Variants in SLC44A5 observed in about 807,000 individuals in gnomAD.
SLC44A5 encodes the protein choline transporter-like protein 5.
Under a neutral mutation model 101.8 loss-of-function variants are expected in SLC44A5, and 57 were observed. The observed-to-expected ratio is 0.56, with a 90% CI of 0.45 to 0.70. The LOEUF is 0.70. Ranked by LOEUF, SLC44A5 falls within the 30% of genes least tolerant of loss-of-function variation. SLC44A5 has a pLI of 0.00. For missense variants in SLC44A5, 737 were observed against 853.1 expected (o/e 0.86, Z 1.70); for synonymous variants, 281 against 290.9 (o/e 0.97, Z 0.35).
At chr1:75,450,757 T>G (rs775246512) in intron 2 of SLC44A5, among the ~76,000 whole-genome samples, 7 of 152,164 alleles carry the variant, frequency 4.6e-5, no homozygotes, top group Non-Finnish European at 1.0e-4. Context: ...TCCAGGGACT[T>G]GGAGCACCTG....
chr1:75,702,764 A>T, the SLC44A5 span, among the ~76,000 whole-genome samples: 5 of 152,182 alleles, frequency 3.3e-5, no homozygotes, highest in Admixed American at 2.0e-4. Context: ...TACTCATCTG[A>T]CAAAGGGCTA....
chr1:75,233,111 G>A (rs1393819803), intron 12 of SLC44A5, among the ~76,000 whole-genome samples: 1 of 152,032 alleles, frequency 6.6e-6, no homozygotes. Flanking sequence ...ACTGTTCCAC[G>A]TGAGACACTT....
At chr1:75,307,874 T>A (rs1000109476) in intron 4 of SLC44A5, among the ~76,000 whole-genome samples, 4 of 152,212 alleles carry the variant, frequency 2.6e-5, no homozygotes, top group African/African-American at 9.6e-5. Context: ...AAAGATTATC[T>A]TGAAGAATTT....
At chr1:75,632,189 G>C in the SLC44A5 span, among the ~76,000 whole-genome samples, 1 of 152,032 alleles carries the variant, frequency 6.6e-6, no homozygotes, top group Non-Finnish European at 1.5e-5. Flanking sequence ...TTGTTCATAT[G>C]ATGCTTATGT....
At chr1:75,274,838 G>T in intron 6 of SLC44A5, 120 bp downstream of exon 6, 1 of 772,620 alleles carries the variant, frequency 1.3e-6, no homozygotes, top group Non-Finnish European at 2.1e-6. Flanking sequence ...AAAAAGGGAG[G>T]GAAGGCTTCC....
At chr1:75,440,750 A>T (rs540674511) in intron 2 of SLC44A5, among the ~76,000 whole-genome samples, 1 of 152,014 alleles carries the variant, frequency 6.6e-6, no homozygotes, top group Non-Finnish European at 1.5e-5. Flanking sequence ...TTTAAGGAAA[A>T]CTCTTTCAAG....
intron 3 of SLC44A5, among the ~76,000 whole-genome samples, chr1:75,353,423 T>A (rs1557693892): frequency 6.6e-6 from 1 of 152,180 alleles, no homozygotes; most frequent in Non-Finnish European, 1.5e-5. Flanking sequence ...TACTCGAATT[T>A]AAGAGAGTCA....
At chr1:75,598,352 G>A (rs1674775402) in intron 1 of SLC44A5, among the ~76,000 whole-genome samples, 1 of 152,160 alleles carries the variant, frequency 6.6e-6, no homozygotes, top group Non-Finnish European at 1.5e-5. Context: ...CAACCATTGT[G>A]GAAGACATTG....
the SLC44A5 span, among the ~76,000 whole-genome samples, chr1:75,682,959 A>C: frequency 3.3e-5 from 5 of 152,316 alleles, no homozygotes; most frequent in South Asian, 1.0e-3. Flanking sequence ...ATGAATAGAC[A>C]CTTCTCAAAA....
chr1:75,234,216 G>A (rs1647865043), intron 11 of SLC44A5, 118 bp from the exon 12 acceptor site: 2 of 693,750 alleles, frequency 2.9e-6, no homozygotes, highest in South Asian at 1.7e-5. Context: ...TATTTTACCT[G>A]GCTATAGAAA....
chr1:75,573,508 T>C (rs1673197824), intron 1 of SLC44A5, among the ~76,000 whole-genome samples: 2 of 152,228 alleles, frequency 1.3e-5, no homozygotes, highest in South Asian at 4.1e-4. Context: ...AAATTTGTTA[T>C]TTAAATAAAA....
chr1:75,207,187 A>G (rs971848919), intron 23 of SLC44A5, among the ~76,000 whole-genome samples: 4 of 152,182 alleles, frequency 2.6e-5, no homozygotes, highest in African/African-American at 9.7e-5. Flanking sequence ...CCTGAGGCCC[A>G]GGGATATAAA....
intron 3 of SLC44A5, among the ~76,000 whole-genome samples, chr1:75,357,443 C>G (rs1266292718): frequency 6.6e-6 from 1 of 152,108 alleles, no homozygotes; most frequent in Non-Finnish European, 1.5e-5. Context: ...CTGTAAGGCC[C>G]TATCAGAGAC....
At chr1:75,720,590 ACTGT>A in the SLC44A5 span, among the ~76,000 whole-genome samples, 6,803 of 152,270 alleles carry the variant, frequency 0.045, 207 homozygotes, top group African/African-American at 0.093. Flanking sequence ...CATAGAAAGA[ACTGT>A]CTGTCAATAA....
chr1:75,657,325 G>A, the SLC44A5 span, among the ~76,000 whole-genome samples: 1 of 152,120 alleles, frequency 6.6e-6, no homozygotes, highest in Non-Finnish European at 1.5e-5. Context: ...AAGGTTGGTT[G>A]ATCACTTGAG....
chr1:75,712,713 A>AAAACC, the SLC44A5 span, among the ~76,000 whole-genome samples: 1 of 110,642 alleles, frequency 9.0e-6, no homozygotes, highest in Non-Finnish European at 1.8e-5. Flanking sequence ...AAAAAAAAAA[A>AAAACC]ATGGAAAAGA....
intron 4 of SLC44A5, among the ~76,000 whole-genome samples, chr1:75,323,489 C>T (rs2028738): frequency 1.3e-5 from 2 of 152,058 alleles, no homozygotes; most frequent in African/African-American, 4.8e-5. Context: ...ATGGTATTAC[C>T]AGTTCTAGAT....
intron 2 of SLC44A5, among the ~76,000 whole-genome samples, chr1:75,420,491 T>C (rs1186327907): frequency 6.6e-6 from 1 of 152,110 alleles, no homozygotes; most frequent in Non-Finnish European, 1.5e-5. Context: ...TAAAAGTAAA[T>C]TGTCTAAATA....
chr1:75,305,762 CAA>C (rs1190561408), intron 4 of SLC44A5, among the ~76,000 whole-genome samples: 1 of 152,188 alleles, frequency 6.6e-6, no homozygotes, highest in Admixed American at 6.5e-5. Flanking sequence ...CATTTACTCT[CAA>C]AAAAGCTCCA....
Sources: allele counts gnomAD v4.1 joint callset (sites outside exome capture counted in the v4.1 genomes callset), GRCh38; gene constraint gnomAD v4.1.1; transcripts MANE v1.5; gene names NCBI Gene and HGNC (gene_info 2026-07-23, HGNC 2026-07-21).